STIM1: variants seen among roughly 807,000 people sequenced by gnomAD.
STIM1 encodes the protein stromal interaction molecule 1.
A neutral mutation model predicts 74.7 loss-of-function variants in STIM1; 25 were observed. The ratio of observed to expected loss-of-function variants is 0.33; its 90% CI spans 0.24 to 0.47. STIM1 has a LOEUF of 0.47. Ranked by LOEUF, STIM1 falls within the 20% of genes least tolerant of loss-of-function variation. STIM1 has a pLI of 1.00. For missense variants in STIM1, 728 were observed against 920.8 expected, an observed-to-expected ratio of 0.79 and a Z score of 2.71; for synonymous variants, 328 against 348.8, an observed-to-expected ratio of 0.94 and a Z score of 0.66.
At position 4,083,509 on chromosome 11, in the gene STIM1, T is replaced by G. The variant is rs1565171143; in HGVS notation, c.1474+11T>G. On this transcript the variant is annotated intron_variant, in intron 10 of 12. Transcript: ENST00000526596. The stretch of plus-strand genomic sequence containing the variant: ...CCTTGTCCATGCAGTGTAGGTGACC[T>G]CTTTGCGGGGATGAAGGAAGGAGCC... 6.2e-7 allele frequency: 1 copy of G among 1,609,388 alleles called. No homozygotes were observed. Among genetic ancestry groups the G allele is most frequent in the Non-Finnish European group, 8.5e-7 (1 of 1,177,398 alleles).
chr11:4,053,809 G>C (rs184288668), intron 3 of STIM1, among the ~76,000 whole-genome samples: 2 of 152,248 alleles, frequency 1.3e-5, no homozygotes, highest in Non-Finnish European at 2.9e-5. Context: ...GGGTCTCACT[G>C]TATTGCCCAG....
chr11:3,855,307 G>A (rs1011663502), upstream of STIM1: 5 of 152,394 alleles, frequency 3.3e-5, no homozygotes, highest in Non-Finnish European at 7.3e-5. Context: ...CCAAGGCCCG[G>A]AGATCGGGGC....
intron 1 of STIM1, among the ~76,000 whole-genome samples, chr11:3,888,425 T>A (rs1313514843): frequency 1.3e-5 from 2 of 152,164 alleles, no homozygotes; most frequent in African/African-American, 4.8e-5. Context: ...AAGAAGCACT[T>A]CCCTTTTCTT....
chr11:3,916,450 ATTTT>A (rs113404071), intron 1 of STIM1, among the ~76,000 whole-genome samples: 14 of 126,062 alleles, frequency 1.1e-4, no homozygotes, highest in Admixed American at 2.4e-4. Context: ...ACCACACCCA[ATTTT>A]TTTTTTTTTT....
rs2094523572 is a variant in STIM1 at position 4,091,338 on chromosome 11, T to C, written c.1691T>C (p.Val564Ala). 2 of 1,614,078 alleles carry C rather than the reference T, an allele frequency of 1.2e-6. No homozygotes were observed. The highest frequency in any genetic ancestry group is 2.7e-5 in the African/African-American group (2 of 74,928). ...SSLHMSDRQR[V>A]APKPPQMSRA... ...CTCCACATGAGTGACCGCCAGCGTG[T>C]GGCCCCCAAACCTCCTCAGATGAGC... Residue 564 changes from valine (V) to alanine (A), a missense_variant, in exon 13 of 13, where the codon GTG (valine) becomes GCG (alanine). Around this residue, in one of 5 missense-constraint regions of STIM1, gnomAD observed 352 missense variants for 370.1 expected, o/e 0.95. Transcript: ENST00000526596.
chr11:3,895,812 CCTTCCTTCTTTCTTTTCTT>C (rs2092135879), intron 1 of STIM1, among the ~76,000 whole-genome samples: 1 of 100,806 alleles, frequency 9.9e-6, no homozygotes, highest in Non-Finnish European at 1.8e-5. Flanking sequence ...TCCTTTCTTT[CCTTCCTTCTTTCTTTTCTT>C]TCTTTCTTTC....
chr11:3,946,506 T>G (rs2093075758), intron 1 of STIM1, among the ~76,000 whole-genome samples: 1 of 152,164 alleles, frequency 6.6e-6, no homozygotes, highest in South Asian at 2.1e-4. Flanking sequence ...GAGATTATTC[T>G]TAGCATTTCT....
chr11:4,009,212 G>A lies in STIM1; in HGVS notation c.271-14661G>A, dbSNP rs553877402. On this transcript the variant is annotated intron_variant, in intron 2 of 12. Coordinates refer to ENST00000526596, the MANE Select transcript of STIM1 (RefSeq NM_001382567.1). ...TGGAAGGCTGAGGCAGGAGAATGGC[G>A]TGAACTCAGGAGGCGGAGCTTGCAG... 1.9e-4 allele frequency among the ~76,000 whole-genome samples: 28 copies of A among 150,938 alleles called. 1 individual carries two copies. Among genetic ancestry groups the A allele is most frequent in the African/African-American group, 5.6e-4 (23 of 41,090 alleles).
At chr11:3,978,532 G>A (rs1271753638) in intron 2 of STIM1, among the ~76,000 whole-genome samples, 2 of 151,188 alleles carry the variant, frequency 1.3e-5, no homozygotes, top group East Asian at 2.0e-4. Context: ...AGGCCGAGGC[G>A]GGTGGATCAC....
At chr11:3,872,061 GT>G (rs201480795) in intron 1 of STIM1, among the ~76,000 whole-genome samples, 1 of 150,256 alleles carries the variant, frequency 6.7e-6, no homozygotes, top group Non-Finnish European at 1.5e-5. Context: ...TCTAACTCTC[GT>G]TTTTTTTTGA....
At chr11:3,872,951 C>CT (rs1246762993) in intron 1 of STIM1, among the ~76,000 whole-genome samples, 258 of 140,982 alleles carry the variant, frequency 1.8e-3, no homozygotes, top group Admixed American at 3.0e-3. Flanking sequence ...GTTACTCCCA[C>CT]TTTTTTTTTT....
intron 3 of STIM1, among the ~76,000 whole-genome samples, chr11:4,029,675 A>G (rs1024747696): frequency 7.2e-5 from 11 of 152,146 alleles, no homozygotes; most frequent in Non-Finnish European, 1.0e-4. Context: ...CATCTGATTC[A>G]GGGTTGGTTA....
chr11:3,896,562 A>G (rs889162703), intron 1 of STIM1, among the ~76,000 whole-genome samples: 1 of 152,260 alleles, frequency 6.6e-6, no homozygotes, highest in African/African-American at 2.4e-5. Flanking sequence ...GCAAGGAAGC[A>G]TAAGATTTAG....
At chr11:3,920,654 G>A (rs2092705995) in intron 1 of STIM1, among the ~76,000 whole-genome samples, 1 of 152,132 alleles carries the variant, frequency 6.6e-6, no homozygotes, top group South Asian at 2.1e-4. Flanking sequence ...TGAATAAGAG[G>A]TGTCATAGTG....
chr11:4,046,083 T>TC, intron 3 of STIM1, among the ~76,000 whole-genome samples: 1 of 133,936 alleles, frequency 7.5e-6, no homozygotes, highest in Admixed American at 7.7e-5. Context: ...TTTTTTTTTT[T>TC]TGAGACAGCC....
At chr11:3,931,382 C>T (rs1041796685) in intron 1 of STIM1, among the ~76,000 whole-genome samples, 3 of 152,140 alleles carry the variant, frequency 2.0e-5, no homozygotes, top group East Asian at 3.8e-4. Context: ...AACAATAAGA[C>T]GTGGTCCTTA....
At chr11:3,936,577 A>G (rs1411079441) in intron 1 of STIM1, among the ~76,000 whole-genome samples, 5 of 152,204 alleles carry the variant, frequency 3.3e-5, no homozygotes, top group Non-Finnish European at 7.3e-5. Flanking sequence ...TAGTATCTGA[A>G]AAAAGGACGG....
chr11:4,009,481 G>A (rs1166573684), intron 2 of STIM1, among the ~76,000 whole-genome samples: 1 of 150,880 alleles, frequency 6.6e-6, no homozygotes, highest in Non-Finnish European at 1.5e-5. Context: ...GATGGTGGGC[G>A]CCTGTAATCC....
intron 1 of STIM1, among the ~76,000 whole-genome samples, chr11:3,964,914 A>G (rs1390546066): frequency 2.0e-5 from 3 of 152,052 alleles, no homozygotes; most frequent in Non-Finnish European, 4.4e-5. Context: ...TTGTAAAGAC[A>G]GGGTTTCACC....
Sources: gnomAD v4.1 joint callset for allele counts (sites outside exome capture counted in the v4.1 genomes callset) on GRCh38, gnomAD v4.1.1 for gene constraint, gnomAD v4.1.1 regional missense constraint, MANE v1.5 for transcripts, NCBI Gene and HGNC (gene_info 2026-07-23, HGNC 2026-07-21) for gene names.